ROBO2: variants seen among roughly 807,000 people sequenced by gnomAD.
ROBO2 encodes roundabout homolog 2.
Under a neutral mutation model 160.8 loss-of-function variants are expected in ROBO2, and 53 were observed. The observed-to-expected ratio is 0.33, with a 90% CI of 0.26 to 0.41. The LOEUF (loss-of-function observed/expected upper bound fraction) is 0.41, where lower values mean the gene tolerates loss of function less well. Among genes scored for constraint, ROBO2 ranks in the 10% least tolerant of loss-of-function variants. The pLI is 1.00. For missense variants in ROBO2, 1,577 were observed against 1,722.4 expected (o/e 0.92, Z 1.49); for synonymous variants, 664 against 611.7 (o/e 1.09, Z -1.26).
At chr3:76,542,992 G>A (rs373843536) in intron 2 of ROBO2, among the ~76,000 whole-genome samples, 2 of 152,078 alleles carry the variant, frequency 1.3e-5, no homozygotes, top group East Asian at 1.9e-4. Flanking sequence ...CTCCTTTGCC[G>A]TCTTCTCTTT....
intron 2 of ROBO2, among the ~76,000 whole-genome samples, chr3:76,394,702 G>C (rs569646656): frequency 6.6e-6 from 1 of 152,034 alleles, no homozygotes; most frequent in East Asian, 1.9e-4. Context: ...AAACAGACTT[G>C]AAACCACCAA....
intron 2 of ROBO2, among the ~76,000 whole-genome samples, chr3:76,517,108 T>A (rs1242581691): frequency 2.6e-5 from 4 of 152,294 alleles, no homozygotes; most frequent in African/African-American, 9.6e-5. Context: ...TCTTTTAATA[T>A]AACGGTTATA....
At chr3:76,184,909 T>G (rs1701672166) in intron 2 of ROBO2, among the ~76,000 whole-genome samples, 1 of 151,924 alleles carries the variant, frequency 6.6e-6, no homozygotes, top group Admixed American at 6.6e-5. Context: ...TTTTGTTGTC[T>G]CTGCATCCCC....
chr3:76,873,696 G>T (rs939599775), intron 2 of ROBO2, among the ~76,000 whole-genome samples: 3 of 152,146 alleles, frequency 2.0e-5, no homozygotes, highest in African/African-American at 7.2e-5. Context: ...CTCCCAAGTA[G>T]CTGGGATTGC....
chr3:76,394,810 A>C (rs1215825546), intron 2 of ROBO2, among the ~76,000 whole-genome samples: 3 of 152,132 alleles, frequency 2.0e-5, no homozygotes, highest in Non-Finnish European at 4.4e-5. Context: ...ATACAGGAGG[A>C]CCCAGATTCA....
At chr3:76,691,521 G>A (rs1270596442) in intron 2 of ROBO2, among the ~76,000 whole-genome samples, 5 of 152,054 alleles carry the variant, frequency 3.3e-5, no homozygotes, top group South Asian at 2.1e-4. Flanking sequence ...TTAATGAGCG[G>A]AAAAAAATGA....
At chr3:76,793,414 G>A (rs926682509) in intron 2 of ROBO2, among the ~76,000 whole-genome samples, 7 of 151,810 alleles carry the variant, frequency 4.6e-5, no homozygotes, top group Non-Finnish European at 8.8e-5. Context: ...CTTTAGGTAC[G>A]AGGTTTGGTG....
rs532621959 is a variant in ROBO2 at position 76,708,840 on chromosome 3, A to C, written c.110-389174A>C. Among the ~76,000 whole-genome samples the C allele has an allele frequency of 1.3e-4, 20 of 152,272 alleles. No individual in the cohort carries two copies. In the East Asian group the frequency reaches 3.7e-3, roughly 28 times the overall value. Reference sequence around the variant, plus strand: ...CAGTGCCAGATTGACATCTTCAAACAATAGTAGTGGGAATAGAGGGAAGGG... The same window carrying C: ...CAGTGCCAGATTGACATCTTCAAACCATAGTAGTGGGAATAGAGGGAAGGG... On this transcript the variant is annotated intron_variant, in intron 2 of 26. Transcript: ENST00000487694.
At chr3:76,005,547 G>T (rs550424644) in intron 2 of ROBO2, among the ~76,000 whole-genome samples, 8 of 152,304 alleles carry the variant, frequency 5.3e-5, no homozygotes, top group Middle Eastern at 3.4e-3. Flanking sequence ...TAAATTGGGA[G>T]AGCTTAAAAT....
intron 2 of ROBO2, among the ~76,000 whole-genome samples, chr3:76,610,409 G>A (rs2088005893): frequency 6.6e-6 from 1 of 152,146 alleles, no homozygotes; most frequent in Non-Finnish European, 1.5e-5. Flanking sequence ...CCCACAGCTG[G>A]AACGGCGTGG....
chr3:77,630,602 G>A (rs2095139943), intron 23 of ROBO2: 1 of 152,022 alleles, frequency 6.6e-6, no homozygotes, highest in Non-Finnish European at 1.5e-5. Context: ...ATATGGAAGG[G>A]TTGCAAATAT....
intron 2 of ROBO2, among the ~76,000 whole-genome samples, chr3:76,527,195 G>A (rs577209915): frequency 5.9e-5 from 9 of 151,910 alleles, no homozygotes; most frequent in South Asian, 2.1e-4. Flanking sequence ...TATATTGCAC[G>A]TAATCCTCAC....
chr3:77,035,744 C>A (rs924591430), upstream of ROBO2, among the ~76,000 whole-genome samples: 1 of 151,744 alleles, frequency 6.6e-6, no homozygotes, highest in African/African-American at 2.4e-5. Flanking sequence ...CTTTCTGGAA[C>A]AAAGTCAAGT....
intron 2 of ROBO2, among the ~76,000 whole-genome samples, chr3:76,117,906 C>T (rs947002386): frequency 6.6e-6 from 1 of 151,638 alleles, no homozygotes; most frequent in Non-Finnish European, 1.5e-5. Context: ...TTTATTTGAA[C>T]CTGGAAGAAA....
chr3:76,772,765 C>G (rs928991794), intron 2 of ROBO2, among the ~76,000 whole-genome samples: 2 of 150,914 alleles, frequency 1.3e-5, no homozygotes, highest in Non-Finnish European at 3.0e-5. Context: ...TGATTTGTAC[C>G]AGTTCCAGAG....
chr3:77,234,320 C>T (rs1236286324), intron 2 of ROBO2, among the ~76,000 whole-genome samples: 2 of 152,102 alleles, frequency 1.3e-5, no homozygotes, highest in Non-Finnish European at 2.9e-5. Flanking sequence ...GGGTTGTTTT[C>T]CCTGTTAAAA....
chr3:77,295,898 G>A (rs908854463), intron 2 of ROBO2, among the ~76,000 whole-genome samples: 4 of 147,674 alleles, frequency 2.7e-5, no homozygotes, highest in East Asian at 4.0e-4. Context: ...ACGGTTAAAC[G>A]GGTAAGCTGA....
intron 2 of ROBO2, among the ~76,000 whole-genome samples, chr3:77,410,245 A>G (rs563188178): frequency 3.1e-4 from 47 of 152,190 alleles, no homozygotes; most frequent in Admixed American, 5.9e-4. Flanking sequence ...CTATGTATCA[A>G]AACTTTTTAG....
intron 2 of ROBO2, among the ~76,000 whole-genome samples, chr3:76,693,583 T>C (rs2092861369): frequency 6.6e-6 from 1 of 151,998 alleles, no homozygotes; most frequent in Admixed American, 6.6e-5. Flanking sequence ...TGATAGGCTA[T>C]CTGCAAACTG....
Sources: allele counts gnomAD v4.1 joint callset (sites outside exome capture counted in the v4.1 genomes callset), GRCh38; gene constraint gnomAD v4.1.1; transcripts MANE v1.5; gene names NCBI Gene and HGNC (gene_info 2026-07-23, HGNC 2026-07-21).